EYS: variants seen among roughly 807,000 people sequenced by gnomAD.
EYS encodes the protein EGF-like photoreceptor maintenance factor.
A neutral mutation model predicts 282.1 loss-of-function variants in EYS; 250 were observed. That is an observed-to-expected ratio of 0.89 (90% CI 0.80 to 0.98). The LOEUF (loss-of-function observed/expected upper bound fraction) is 0.98, where lower values mean the gene tolerates loss of function less well. Ranked by LOEUF, EYS falls within the 50% of genes least tolerant of loss-of-function variation. EYS has a pLI of 0.00. For missense variants in EYS, 4,016 were observed against 3,709.0 expected, an observed-to-expected ratio of 1.08 and a Z score of -2.15; for synonymous variants, 1,355 against 1,282.9, an observed-to-expected ratio of 1.06 and a Z score of -1.20.
intron 22 of EYS, among the ~76,000 whole-genome samples, chr6:64,802,179 G>A (rs1764265007): frequency 6.6e-6 from 1 of 150,992 alleles, no homozygotes; most frequent in Non-Finnish European, 1.5e-5. Flanking sequence ...GACTACAGGC[G>A]CCCACCACCA....
chr6:64,662,877 C>T (rs1383326833), intron 22 of EYS, among the ~76,000 whole-genome samples: 2 of 127,840 alleles, frequency 1.6e-5, no homozygotes, highest in Non-Finnish European at 3.3e-5. Flanking sequence ...ACTTGAGATC[C>T]TTCTGATATA....
chr6:64,453,062 G>C (rs1467466786), intron 26 of EYS, among the ~76,000 whole-genome samples: 2 of 152,134 alleles, frequency 1.3e-5, no homozygotes, highest in Non-Finnish European at 2.9e-5. Context: ...CACCATCAGA[G>C]TGAACAGGCA....
intron 26 of EYS, among the ~76,000 whole-genome samples, chr6:64,517,981 ACTTGCCTTTT>A (rs1390722798): frequency 6.6e-6 from 1 of 151,874 alleles, no homozygotes; most frequent in Non-Finnish European, 1.5e-5. Context: ...TCCAAAGGTT[ACTTGCCTTTT>A]CTTTGTAATC....
intron 28 of EYS, among the ~76,000 whole-genome samples, chr6:64,425,993 T>C (rs1774397358): frequency 1.3e-5 from 2 of 151,442 alleles, no homozygotes; most frequent in South Asian, 2.1e-4. Context: ...AAATATTAGG[T>C]AGGTGTTTAG....
chr6:65,619,070 T>C (rs1170808455), intron 2 of EYS, among the ~76,000 whole-genome samples: 1 of 151,904 alleles, frequency 6.6e-6, no homozygotes, highest in Non-Finnish European at 1.5e-5. Context: ...TTTAAAGTAG[T>C]TTTTTCCAAT....
chr6:65,068,751 G>T (rs1773821589), intron 12 of EYS, among the ~76,000 whole-genome samples: 1 of 151,934 alleles, frequency 6.6e-6, no homozygotes, highest in African/African-American at 2.4e-5. Flanking sequence ...TTTTACTTGT[G>T]CTCTGATGTT....
intron 15 of EYS, among the ~76,000 whole-genome samples, chr6:64,921,023 A>G (rs1768330448): frequency 6.6e-6 from 1 of 152,140 alleles, no homozygotes; most frequent in African/African-American, 2.4e-5. Flanking sequence ...TTTTATGCAT[A>G]TGGAAATATT....
At chr6:64,755,304 C>T (rs1330640878) in intron 22 of EYS, among the ~76,000 whole-genome samples, 2 of 151,912 alleles carry the variant, frequency 1.3e-5, no homozygotes, top group Admixed American at 6.6e-5. Context: ...GTGACACAAG[C>T]AAATTGAAAA....
At chr6:64,255,689 A>T (rs775984447) in intron 30 of EYS, among the ~76,000 whole-genome samples, 1 of 152,160 alleles carries the variant, frequency 6.6e-6, no homozygotes, top group South Asian at 2.1e-4. Flanking sequence ...AACCAAGTGC[A>T]TGTATGCAAG....
intron 2 of EYS, among the ~76,000 whole-genome samples, chr6:65,508,916 A>G (rs967310393): frequency 2.0e-5 from 3 of 152,142 alleles, no homozygotes; most frequent in African/African-American, 7.2e-5. Flanking sequence ...CTTTACAGTG[A>G]GAACGTGGAG....
intron 1 of EYS, among the ~76,000 whole-genome samples, chr6:65,650,671 A>T (rs1767620994): frequency 6.6e-6 from 1 of 152,174 alleles, no homozygotes; most frequent in Non-Finnish European, 1.5e-5. Context: ...GTTCAAATTT[A>T]CAAGCGTTTC....
intron 34 of EYS, among the ~76,000 whole-genome samples, chr6:63,986,781 G>A (rs1371616868): frequency 6.6e-6 from 1 of 151,664 alleles, no homozygotes; most frequent in African/African-American, 2.4e-5. Flanking sequence ...CTACTTGAGG[G>A]TAAAGGGTAG....
chr6:64,924,871 G>A (rs1768464197), intron 15 of EYS, among the ~76,000 whole-genome samples: 1 of 152,150 alleles, frequency 6.6e-6, no homozygotes, highest in Non-Finnish European at 1.5e-5. Flanking sequence ...CATTCAACAA[G>A]ACTCTAGGAA....
At chr6:64,307,109 T>G (rs780891038) in intron 29 of EYS, 27 bp from the exon 30 acceptor site, 7 of 1,043,400 alleles carry the variant, frequency 6.7e-6, no homozygotes, top group Non-Finnish European at 1.0e-5. Flanking sequence ...GAGAGAGAAG[T>G]AGAGATAATT....
chr6:64,539,398 C>T (rs1368395963), intron 26 of EYS, among the ~76,000 whole-genome samples: 3 of 151,924 alleles, frequency 2.0e-5, no homozygotes, highest in Non-Finnish European at 2.9e-5. Context: ...TACCCTGTCT[C>T]TAGAAAAATA....
rs183390050 is a variant in EYS at position 64,327,334 on chromosome 6, G to A, written c.6079-20252C>T. Among the ~76,000 whole-genome samples, 535 of 152,186 alleles carry A rather than the reference G, an allele frequency of 3.5e-3. 3 individuals carry two copies. Among genetic ancestry groups the A allele is most frequent in the African/African-American group, 0.012 (514 of 41,510 alleles). On this transcript the variant is annotated intron_variant, in intron 29 of 42. Coordinates refer to ENST00000503581, the MANE Select transcript of EYS (RefSeq NM_001142800.2). ...AGTGAGAGTGAAAGCACCTCGCAAG[G>A]GAGGAAATGGGAGGAAAAGTATCAA...
chr6:64,610,324 T>C (rs1012356976), intron 24 of EYS, among the ~76,000 whole-genome samples: 14 of 152,110 alleles, frequency 9.2e-5, no homozygotes, highest in Non-Finnish European at 2.1e-4. Flanking sequence ...GCATTCATTA[T>C]CTTTAATATC....
chr6:64,417,635 T>C (rs1774096896), intron 28 of EYS, among the ~76,000 whole-genome samples: 1 of 151,422 alleles, frequency 6.6e-6, no homozygotes, highest in Non-Finnish European at 1.5e-5. Flanking sequence ...TTTTCAACTC[T>C]AGCAAATAAT....
intron 12 of EYS, among the ~76,000 whole-genome samples, chr6:65,070,390 T>C (rs930262884): frequency 1.3e-5 from 2 of 151,980 alleles, no homozygotes; most frequent in African/African-American, 4.8e-5. Flanking sequence ...CTCTACCTTA[T>C]GTCTTGTCAC....
Sources: gnomAD v4.1 joint callset for allele counts (sites outside exome capture counted in the v4.1 genomes callset) on GRCh38, gnomAD v4.1.1 for gene constraint, MANE v1.5 for transcripts, NCBI Gene and HGNC (gene_info 2026-07-23, HGNC 2026-07-21) for gene names.